The following COPA variants were observed in gnomAD, a reference collection of about 807,000 sequenced individuals.
The protein encoded by COPA is coat protein complex I subunit alpha.
Under a neutral mutation model 158.7 loss-of-function variants are expected in COPA, and 10 were observed. That is an observed-to-expected ratio of 0.06 (90% CI 0.04 to 0.11). The LOEUF is 0.11. COPA is among the 10% of genes least tolerant of loss of function. The probability of loss-of-function intolerance (pLI) is 1.00; values close to 1 mark genes in which losing one functional copy is unlikely to be tolerated. For synonymous variants in COPA, 462 were observed against 542.8 expected (o/e 0.85, Z 2.07); for missense variants, 1,065 against 1,536.7 (o/e 0.69, Z 5.13).
At chr1:160,317,265 A>C (rs1423180864) in intron 8 of COPA, 5 of 751,134 alleles carry the variant, frequency 6.7e-6, no homozygotes, top group Middle Eastern at 3.9e-4. Flanking sequence ...AAAAAACACT[A>C]ATGTGGTAGC....
Position 160,318,363 on chromosome 1 carries a change from C to T in COPA, c.707-4238G>A, listed in dbSNP as rs144903776. 5.4e-5 allele frequency among the ~76,000 whole-genome samples: 8 copies of T among 148,816 alleles called. No individual in the cohort carries two copies. The East Asian group carries it at 1.4e-3, about 26-fold the overall frequency. ...AAAGCTATACATGCAGAAATGAATA[C>T]AACAGAACACTGCTCTTTTTGATTT... On this transcript the variant is annotated intron_variant, in intron 8 of 32. Coordinates refer to ENST00000241704, the MANE Select transcript of COPA (RefSeq NM_004371.4).
At chr1:160,290,407 C>T in intron 32 of COPA, 85 bp downstream of exon 32, 1 of 1,498,858 alleles carries the variant, frequency 6.7e-7, no homozygotes, top group South Asian at 1.3e-5. Context: ...GGGACAAGCA[C>T]AAGAAGAAAA....
At chr1:160,322,967 A>T (rs775333419) in intron 8 of COPA, among the ~76,000 whole-genome samples, 8 of 151,414 alleles carry the variant, frequency 5.3e-5, no homozygotes, top group Non-Finnish European at 5.9e-5. Context: ...GGATGAATAA[A>T]GAAAATTACA....
intron 6 of COPA, among the ~76,000 whole-genome samples, chr1:160,329,848 C>T (rs1057098292): frequency 1.3e-5 from 2 of 152,144 alleles, no homozygotes; most frequent in South Asian, 2.1e-4. Flanking sequence ...GGCAGTGGCT[C>T]GTGCTTGTAA....
At chr1:160,302,390 G>A (rs2101832969) in intron 17 of COPA, among the ~76,000 whole-genome samples, 1 of 152,064 alleles carries the variant, frequency 6.6e-6, no homozygotes, top group East Asian at 1.9e-4. Context: ...TGTTTCAGAA[G>A]ACCTAAATGA....
At position 160,293,433 on chromosome 1, in the gene COPA, C is replaced by T; in HGVS notation, c.2707G>A (p.Glu903Lys). 1.2e-6 allele frequency: 2 copies of T among 1,609,008 alleles called. No individual in the cohort carries two copies. The highest frequency in any genetic ancestry group is 1.3e-5 in the African/African-American group (1 of 74,572). ...DISPGAAGGAEDGFFVPPTKG... is the reference protein window; with the variant it reads ...DISPGAAGGAKDGFFVPPTKG... ...GTTGGGGGCACAAAGAAACCATCTTCAGCCCCACCAGCTGCCCCAGGGGAT... is the reference window on the plus strand; with the variant it reads ...GTTGGGGGCACAAAGAAACCATCTTTAGCCCCACCAGCTGCCCCAGGGGAT... Residue 903 changes from glutamate (E) to lysine (K), a missense_variant, in exon 26 of 33, where the codon GAA (glutamate) becomes AAA (lysine). Physicochemically the swap from Glu to Lys is moderately conservative, Grantham distance 56. This residue lies in a region of COPA where 980 missense variants were observed against 1,357.8 expected (regional missense o/e 0.72). Transcript: ENST00000241704.
In COPA at chr1:160,317,345, T is replaced by TCTGCCTC. The variant is rs1327614780; in HGVS notation, c.707-3221_707-3220insGAGGCAG. The TCTGCCTC allele has an allele frequency of 1.9e-6, 3 of 1,549,990 alleles. No homozygotes were observed. The African/African-American group carries it at 4.1e-5, about 21-fold the overall frequency. ...GGATTTGTAAACCCCGGAGTGAGGT[T>TCTGCCTC]CTGCTTACCCGAGGCCGCTGCTGTG... On this transcript the variant is annotated intron_variant, in intron 8 of 32. Coordinates refer to ENST00000241704, the MANE Select transcript of COPA (RefSeq NM_004371.4).
intron 1 of COPA, among the ~76,000 whole-genome samples, chr1:160,340,969 C>G (rs538401176): frequency 6.2e-4 from 95 of 152,182 alleles, no homozygotes; most frequent in Non-Finnish European, 1.2e-3. Context: ...TTCACTGAAG[C>G]CTAAAAACTC....
intron 31 of COPA, 113 bp from the exon 32 acceptor site, chr1:160,290,799 G>T: frequency 1.0e-6 from 1 of 972,092 alleles, no homozygotes; most frequent in Non-Finnish European, 1.6e-6. Flanking sequence ...TGTACTGCGT[G>T]AAAAGAGGTC....
At chr1:160,333,965 A>ATGTG (rs59237821) in intron 4 of COPA, among the ~76,000 whole-genome samples, 6 of 151,096 alleles carry the variant, frequency 4.0e-5, no homozygotes, top group Middle Eastern at 6.8e-3. Context: ...TTACTTCTAT[A>ATGTG]TGTGTGTGTG....
chr1:160,328,409 G>C (rs1647356336), intron 6 of COPA, among the ~76,000 whole-genome samples: 1 of 152,220 alleles, frequency 6.6e-6, no homozygotes, highest in South Asian at 2.1e-4. Flanking sequence ...GTGACAGGCA[G>C]TGAAAAGATA....
intron 13 of COPA, among the ~76,000 whole-genome samples, chr1:160,307,501 G>A (rs1354565934): frequency 6.6e-6 from 1 of 152,224 alleles, no homozygotes; most frequent in Non-Finnish European, 1.5e-5. Flanking sequence ...CCAACATCAT[G>A]TACTGGCAGA....
At chr1:160,294,974 C>CTATTTATTTTTGTGTAT in intron 23 of COPA, 117 bp from the exon 24 acceptor site, 5 of 745,438 alleles carry the variant, frequency 6.7e-6, no homozygotes, top group South Asian at 1.8e-5. Context: ...TGCCTACTTA[C>CTATTTATTTTTGTGTAT]TATTTATTTT....
rs1648183582 is a variant in COPA at position 160,343,221 on chromosome 1, C to CTG, written c.-53_-52dup. On this transcript the variant is annotated 5_prime_UTR_variant, in exon 1 of 33. Coordinates refer to ENST00000241704, the MANE Select transcript of COPA (RefSeq NM_004371.4). ...TTAATCCGAGCCCCGACACACCCTG[C>CTG]TGCCCTTCGGACGCCTCCACGTCAG... 1 of 1,612,342 alleles carries CTG rather than the reference C, an allele frequency of 6.2e-7. No individual in the cohort carries two copies. The highest frequency in any genetic ancestry group is 1.7e-5 in the Admixed American group (1 of 60,004).
rs753717416 is a variant in COPA at position 160,290,482 on chromosome 1, C to T, written c.3615+10G>A. The T allele has an allele frequency of 1.9e-6, 3 of 1,613,310 alleles. No individual in the cohort carries two copies. The highest frequency in any genetic ancestry group is 2.2e-5 in the South Asian group (2 of 91,046). On this transcript the variant is annotated intron_variant, in intron 32 of 32. Transcript: ENST00000241704. ...ATATCCTAGATATATTTATTGAGGA[C>T]AGTACTTACTGTGGTGACCCTGCAG...
chr1:160,300,169 G>A (rs906236553), intron 17 of COPA, among the ~76,000 whole-genome samples: 5 of 151,538 alleles, frequency 3.3e-5, no homozygotes, highest in South Asian at 2.1e-4. Context: ...GTGAAACCCC[G>A]TCTCTACTAA....
chr1:160,316,891 A>C (rs1217670763), intron 8 of COPA, among the ~76,000 whole-genome samples: 1 of 152,218 alleles, frequency 6.6e-6, no homozygotes, highest in Non-Finnish European at 1.5e-5. Flanking sequence ...GCCTGAGAAC[A>C]CCAAACAGGT....
chr1:160,312,396 A>G (rs1356382034), intron 10 of COPA, among the ~76,000 whole-genome samples: 1 of 152,222 alleles, frequency 6.6e-6, no homozygotes, highest in Non-Finnish European at 1.5e-5. Flanking sequence ...AGTCTCTAGC[A>G]TATAAAAAGA....
intron 9 of COPA, among the ~76,000 whole-genome samples, chr1:160,313,476 G>A (rs190796664): frequency 5.1e-4 from 77 of 151,698 alleles, no homozygotes; most frequent in Admixed American, 1.4e-3. Flanking sequence ...GTGCAGTGGC[G>A]CGATCTCGGC....
Sources: gnomAD v4.1 joint callset for allele counts (sites outside exome capture counted in the v4.1 genomes callset) on GRCh38, gnomAD v4.1.1 for gene constraint, gnomAD v4.1.1 regional missense constraint, MANE v1.5 for transcripts, NCBI Gene and HGNC (gene_info 2026-07-23, HGNC 2026-07-21) for gene names.